SLC4A4: variants seen among roughly 807,000 people sequenced by gnomAD.
The protein encoded by SLC4A4 is solute carrier family 4 member 4.
Under a neutral mutation model 111.5 loss-of-function variants are expected in SLC4A4, and 27 were observed. The ratio of observed to expected loss-of-function variants is 0.24; its 90% CI spans 0.18 to 0.33. SLC4A4 has a LOEUF of 0.33. Among genes scored for constraint, SLC4A4 ranks in the 10% least tolerant of loss-of-function variants. SLC4A4 has a pLI of 1.00. For synonymous variants in SLC4A4, 443 were observed against 463.4 expected (o/e 0.96, Z 0.57); for missense variants, 909 against 1,315.5 (o/e 0.69, Z 4.78).
At chr4:71,341,405 A>G (rs1194158242) in intron 4 of SLC4A4, among the ~76,000 whole-genome samples, 1 of 152,132 alleles carries the variant, frequency 6.6e-6, no homozygotes, top group Non-Finnish European at 1.5e-5. Flanking sequence ...TATGGCTGCT[A>G]TTTTTTCTAC....
intron 22 of SLC4A4, among the ~76,000 whole-genome samples, chr4:71,558,780 A>G (rs1323191298): frequency 6.6e-6 from 1 of 151,868 alleles, no homozygotes; most frequent in Non-Finnish European, 1.5e-5. Context: ...AGGATGCAAG[A>G]AAAAATGGAT....
chr4:71,076,508 G>C (rs59874472), intron 1 of SLC4A4, among the ~76,000 whole-genome samples: 6,068 of 151,714 alleles, frequency 0.04, 352 homozygotes, highest in African/African-American at 0.13. Context: ...CTCCAGCCTG[G>C]ACAATGAAGC....
intron 20 of SLC4A4, among the ~76,000 whole-genome samples, chr4:71,548,225 A>G (rs1322375719): frequency 6.6e-6 from 1 of 151,888 alleles, no homozygotes; most frequent in Admixed American, 6.6e-5. Context: ...TTTGAATCAG[A>G]TGGCCTTATA....
chr4:71,277,951 A>C (rs904249259), intron 3 of SLC4A4, among the ~76,000 whole-genome samples: 4 of 152,282 alleles, frequency 2.6e-5, no homozygotes, highest in African/African-American at 7.2e-5. Context: ...TGTTTTCTTC[A>C]GTGAGAACAT....
intron 18 of SLC4A4, among the ~76,000 whole-genome samples, chr4:71,536,465 CATATATATATATATAT>C (rs869091643): frequency 2.5e-5 from 1 of 40,706 alleles, no homozygotes; most frequent in African/African-American, 8.0e-5. Flanking sequence ...TACATATATA[CATATATATATATATAT>C]ATATATGTAT....
Position 71,162,227 on chromosome 4 carries a change from T to C in SLC4A4, c.-2+69435T>C, listed in dbSNP as rs578131415. Among the ~76,000 whole-genome samples, 119 of 152,172 alleles carry C rather than the reference T, an allele frequency of 7.8e-4. 2 individuals carry two copies. The South Asian group carries it at 0.023, about 29-fold the overall frequency. On this transcript the variant is annotated intron_variant, in intron 2 of 26. Transcript: ENST00000649996. ...GGTCACTGAACTACTAGTAATACCG[T>C]CACTCCCACCACCGGCATCAACATT...
intron 16 of SLC4A4, among the ~76,000 whole-genome samples, chr4:71,515,332 G>A (rs926932099): frequency 9.2e-5 from 14 of 152,094 alleles, no homozygotes; most frequent in Non-Finnish European, 1.9e-4. Context: ...TGTGGTCTGA[G>A]AATATAGTTG....
chr4:71,271,226 C>T (rs1165581244), intron 3 of SLC4A4, among the ~76,000 whole-genome samples: 2 of 152,132 alleles, frequency 1.3e-5, no homozygotes, highest in East Asian at 3.8e-4. Context: ...ATAAATGATT[C>T]TGAGGGATAT....
intron 2 of SLC4A4, among the ~76,000 whole-genome samples, chr4:71,120,595 C>T (rs946530260): frequency 5.3e-5 from 8 of 152,196 alleles, no homozygotes; most frequent in African/African-American, 1.2e-4. Flanking sequence ...TAGCCAGATG[C>T]GGTGGCTTAT....
chr4:71,289,925 T>C (rs1367752398), intron 3 of SLC4A4, among the ~76,000 whole-genome samples: 1 of 152,218 alleles, frequency 6.6e-6, no homozygotes, highest in Non-Finnish European at 1.5e-5. Flanking sequence ...TGCAATGTGC[T>C]GAAAATGACA....
intron 3 of SLC4A4, among the ~76,000 whole-genome samples, chr4:71,261,636 C>T (rs149002267): frequency 3.9e-5 from 6 of 152,316 alleles, no homozygotes; most frequent in Non-Finnish European, 8.8e-5. Context: ...AGCCAGTTAA[C>T]TGCATAAGTC....
chr4:71,451,106 C>G, intron 10 of SLC4A4, 82 bp from the exon 11 acceptor site: 1 of 912,434 alleles, frequency 1.1e-6, no homozygotes, highest in Non-Finnish European at 1.8e-6. Context: ...CTCCATCTCC[C>G]CATTAGCCAG....
chr4:71,078,652 C>T (rs929809883), intron 1 of SLC4A4, among the ~76,000 whole-genome samples: 1 of 152,134 alleles, frequency 6.6e-6, no homozygotes. Context: ...ACACTGAGGC[C>T]TTCTTCGCTC....
chr4:71,329,250 A>C (rs1255765811), intron 3 of SLC4A4, among the ~76,000 whole-genome samples: 1 of 151,960 alleles, frequency 6.6e-6, no homozygotes, highest in Non-Finnish European at 1.5e-5. Flanking sequence ...AAGTCAGATA[A>C]TGTGATGCCT....
At chr4:71,375,703 T>A (rs1165321122) in intron 6 of SLC4A4, among the ~76,000 whole-genome samples, 2 of 152,176 alleles carry the variant, frequency 1.3e-5, no homozygotes, top group Non-Finnish European at 2.9e-5. Flanking sequence ...GTATCCTTTA[T>A]TGCAGGGATT....
chr4:71,492,086 C>T (rs941139336), intron 15 of SLC4A4, among the ~76,000 whole-genome samples: 6 of 151,456 alleles, frequency 4.0e-5, no homozygotes, highest in Non-Finnish European at 8.9e-5. Flanking sequence ...TTGTGCAAAG[C>T]ATCCTTGTGA....
At chr4:71,489,799 A>T (rs1729741007) in intron 15 of SLC4A4, among the ~76,000 whole-genome samples, 1 of 151,748 alleles carries the variant, frequency 6.6e-6, no homozygotes, top group African/African-American at 2.4e-5. Context: ...AGGAAAAGTG[A>T]CATGCATCCC....
At chr4:71,495,417 G>A (rs1334456862) in intron 15 of SLC4A4, among the ~76,000 whole-genome samples, 1 of 152,068 alleles carries the variant, frequency 6.6e-6, no homozygotes, top group Admixed American at 6.6e-5. Context: ...GTATGCTGCT[G>A]TAAACATCCA....
intron 7 of SLC4A4, among the ~76,000 whole-genome samples, chr4:71,426,984 A>G (rs905743104): frequency 1.3e-5 from 2 of 152,136 alleles, no homozygotes; most frequent in East Asian, 3.8e-4. Context: ...ATAAGAATTT[A>G]TTAAGAAATA....
Sources: gnomAD v4.1 joint callset for allele counts (sites outside exome capture counted in the v4.1 genomes callset) on GRCh38, gnomAD v4.1.1 for gene constraint, MANE v1.5 for transcripts, NCBI Gene and HGNC (gene_info 2026-07-23, HGNC 2026-07-21) for gene names.